GPRC5B: variants seen among roughly 807,000 people sequenced by gnomAD.
GPRC5B encodes the protein G protein-coupled receptor family C group 5 member B.
GPRC5B carries 16 observed loss-of-function variants against 30.1 expected under a neutral mutation model. The ratio of observed to expected loss-of-function variants is 0.53; its 90% CI spans 0.36 to 0.81. The LOEUF (loss-of-function observed/expected upper bound fraction) is 0.81, where lower values mean the gene tolerates loss of function less well. Among genes scored for constraint, GPRC5B ranks in the 30% least tolerant of loss-of-function variants. The pLI, the probability that GPRC5B is intolerant of heterozygous loss-of-function variation, is 0.01. For missense variants in GPRC5B, 428 were observed against 544.7 expected, an observed-to-expected ratio of 0.79 and a Z score of 2.13; for synonymous variants, 241 against 239.5, an observed-to-expected ratio of 1.01 and a Z score of -0.06.
chr16:19,860,273 G>A lies in GPRC5B; in HGVS notation c.*227C>T, dbSNP rs761394662. 2.7e-5 allele frequency: 15 copies of A among 548,740 alleles called. No individual in the cohort carries two copies. The highest frequency in any genetic ancestry group is 4.6e-5 in the Non-Finnish European group (14 of 305,802). The allele number at this position is 548,740 out of a possible 1,614,324, so 34.0% of individuals were successfully genotyped here. On this transcript the variant is annotated 3_prime_UTR_variant, in exon 4 of 4. Coordinates refer to ENST00000300571, the MANE Select transcript of GPRC5B (RefSeq NM_016235.3). ...GTTTGCGGGGATTGAGGTTGGTCTGGTATTACGTGTCTGTGTGTGTGGCAG... is the reference window on the plus strand; with the variant it reads ...GTTTGCGGGGATTGAGGTTGGTCTGATATTACGTGTCTGTGTGTGTGGCAG...
upstream of GPRC5B, chr16:19,885,513 C>T: frequency 5.3e-6 from 6 of 1,127,190 alleles, no homozygotes; most frequent in Non-Finnish European, 6.6e-6. The surrounding 1 kb of genome is among the most constrained non-coding windows in gnomAD (Gnocchi z 5.3). Context: ...GCTTCCTTGG[C>T]CCCTCGAAAC....
At chr16:19,885,222 C>G (rs749738667), upstream of GPRC5B, 8 of 1,288,814 alleles carry the variant, frequency 6.2e-6, no homozygotes, top group South Asian at 7.4e-5. This position sits in a 1 kb window ranked among gnomAD's most constrained non-coding sequence, Gnocchi z 5.3. Context: ...TATCGCGACC[C>G]AGGGGTCCCA....
intron 2 of GPRC5B, among the ~76,000 whole-genome samples, chr16:19,870,183 T>C (rs1172206090): frequency 6.6e-6 from 1 of 152,186 alleles, no homozygotes; most frequent in Non-Finnish European, 1.5e-5. Context: ...TCAGCATATG[T>C]CCTCAGAGGA....
At chr16:19,864,121 C>T (rs767321046) in intron 2 of GPRC5B, among the ~76,000 whole-genome samples, 2 of 152,172 alleles carry the variant, frequency 1.3e-5, no homozygotes, top group African/African-American at 2.4e-5. Context: ...TTGCTTAGGA[C>T]CTCTCCTAAG....
At position 19,858,787 on chromosome 16, in the gene GPRC5B, G is replaced by T; in HGVS notation, c.*1713C>A. On this transcript the variant is annotated 3_prime_UTR_variant, in exon 4 of 4. Coordinates refer to ENST00000300571, the MANE Select transcript of GPRC5B (RefSeq NM_016235.3). ...GGCAGAGGCGGGGTGCTTCCGGGGAGGTCAGGTGGGGGTGGCATTCTGGGG... is the reference window on the plus strand; with the variant it reads ...GGCAGAGGCGGGGTGCTTCCGGGGATGTCAGGTGGGGGTGGCATTCTGGGG... 2.6e-6 allele frequency: 1 copy of T among 384,822 alleles called. No individual in the cohort carries two copies. The highest frequency in any genetic ancestry group is 1.2e-4 in the South Asian group (1 of 8,462). The allele number at this position is 384,822 out of a possible 1,614,324, so 23.8% of individuals were successfully genotyped here.
rs190081035 is a variant in GPRC5B, at chr16:19,876,621, A to G, written c.-1-3775T>C. ...ACTTCCTGCTCAGCCATGCAGTCGC[A>G]ACAGAAAACCTATGTGGAGGATGCC... On this transcript the variant is annotated intron_variant, in intron 1 of 3. Transcript: ENST00000300571. Among the ~76,000 whole-genome samples, 18 of 152,308 alleles carry G rather than the reference A, an allele frequency of 1.2e-4. No individual in the cohort carries two copies. In the East Asian group the frequency reaches 2.9e-3, roughly 24 times the overall value.
chr16:19,862,575 A>T (rs369435437), intron 2 of GPRC5B, among the ~76,000 whole-genome samples: 11 of 152,268 alleles, frequency 7.2e-5, no homozygotes, highest in African/African-American at 2.6e-4. Flanking sequence ...TTTGTTAAAG[A>T]AAAGCTAACA....
At chr16:19,866,459 C>T (rs1468874743) in intron 2 of GPRC5B, among the ~76,000 whole-genome samples, 8 of 152,074 alleles carry the variant, frequency 5.3e-5, no homozygotes, top group African/African-American at 9.7e-5. Context: ...CCGGTTCAAG[C>T]GATTCTCCCA....
chr16:19,884,321 C>T (rs980075436), intron 1 of GPRC5B, among the ~76,000 whole-genome samples: 2 of 151,438 alleles, frequency 1.3e-5, no homozygotes, highest in Non-Finnish European at 2.9e-5. Flanking sequence ...CACAGTCAGC[C>T]CCCAACGCGG....
chr16:19,863,162 G>C (rs2056640558), intron 2 of GPRC5B, among the ~76,000 whole-genome samples: 3 of 149,130 alleles, frequency 2.0e-5, no homozygotes, highest in Admixed American at 2.0e-4. Context: ...TCGCACGATA[G>C]CTACTTTTTT....
At chr16:19,882,026 A>G (rs1173221664) in intron 1 of GPRC5B, 5 of 152,130 alleles carry the variant, frequency 3.3e-5, no homozygotes, top group South Asian at 2.1e-4. Context: ...GTCTGTCCCA[A>G]CTCACTCCTG....
chr16:19,884,618 C>T, intron 1 of GPRC5B, 109 bp downstream of exon 1: 1 of 823,946 alleles, frequency 1.2e-6, no homozygotes. Context: ...TGGGGGGGCG[C>T]TTAGAAAAAC....
chr16:19,862,484 A>G (rs940840057), intron 2 of GPRC5B: 1 of 152,430 alleles, frequency 6.6e-6, no homozygotes, highest in African/African-American at 2.4e-5. Context: ...CCAAGATGGC[A>G]TGTCGGCACT....
chr16:19,861,855 G>A lies in GPRC5B; in HGVS notation c.1149C>T (p.Val383=), dbSNP rs61746631. Residue 383 remains valine, a synonymous_variant, in exon 3 of 4, where the codon GTC becomes GTT. Coordinates refer to ENST00000300571, the MANE Select transcript of GPRC5B (RefSeq NM_016235.3). The part of the protein sequence containing the change: ...SNVYQPTEMA[V]VLNGGTIPTA... ...TACTTACGGTCCCACCGTTGAGCAC[G>A]ACGGCCATCTCAGTTGGCTGATACA... 3.8e-3 allele frequency: 6,197 copies of A among 1,613,292 alleles called. 91 individuals are homozygous for A. In the African/African-American group the frequency reaches 0.04, roughly 10 times the overall value.
At chr16:19,868,376 GA>G (rs966745251) in intron 2 of GPRC5B, among the ~76,000 whole-genome samples, 42 of 145,626 alleles carry the variant, frequency 2.9e-4, no homozygotes, top group African/African-American at 9.1e-4. Context: ...TCCATCTCAA[GA>G]AAAAAAAAAG....
At chr16:19,869,837 T>G (rs2056699475) in intron 2 of GPRC5B, among the ~76,000 whole-genome samples, 1 of 152,068 alleles carries the variant, frequency 6.6e-6, no homozygotes, top group African/African-American at 2.4e-5. Flanking sequence ...TTTGGGAAGC[T>G]GAGGTGGGGG....
At chr16:19,883,982 C>T (rs1195870872) in intron 1 of GPRC5B, among the ~76,000 whole-genome samples, 2 of 152,104 alleles carry the variant, frequency 1.3e-5, no homozygotes, top group Non-Finnish European at 2.9e-5. Context: ...AGCCTGTGTC[C>T]CCCAAGGAGA....
In GPRC5B at chr16:19,863,750, C is replaced by T. The variant is rs550499715; in HGVS notation, c.1031-1777G>A. On this transcript the variant is annotated intron_variant, in intron 2 of 3. Transcript: ENST00000300571. ...ACTCCTGACCAAGTGATCCACCCAC[C>T]TCGGCCTCCCAAAGTGCTGGGATTA... Among the ~76,000 whole-genome samples the T allele has an allele frequency of 6.6e-5, 10 of 152,142 alleles. No homozygotes were observed. The South Asian group carries it at 1.7e-3, about 25-fold the overall frequency.
In GPRC5B at chr16:19,861,900, GCTGGGTCTTTTCCCCAAGCTGCCA is replaced by G. The variant is rs778065622; in HGVS notation, c.1080_1103del (p.Gly361_Ser368del). Reference sequence around the variant, plus strand: ...GATACACGTTGCTTCTAAACGGAGCGCTGGGTCTTTTCCCCAAGCTGCCACTGGGTCTTTTTCCCAAGCTGCCGT... The same window carrying G: ...GATACACGTTGCTTCTAAACGGAGCGCTGGGTCTTTTTCCCAAGCTGCCGT... On this transcript the variant is annotated inframe_deletion, in exon 3 of 4. Transcript: ENST00000300571. 9.3e-6 allele frequency: 15 copies of G among 1,612,898 alleles called. No individual in the cohort carries two copies. The highest frequency in any genetic ancestry group is 1.3e-5 in the Non-Finnish European group (15 of 1,179,170).
Sources: allele counts gnomAD v4.1 joint callset (sites outside exome capture counted in the v4.1 genomes callset), GRCh38; gene constraint gnomAD v4.1.1; non-coding constraint Gnocchi (gnomAD v3.1); transcripts MANE v1.5; gene names NCBI Gene and HGNC (gene_info 2026-07-23, HGNC 2026-07-21).